MALRD1: variants seen among roughly 807,000 people sequenced by gnomAD.
MALRD1 encodes the protein MAM and LDL-receptor class A domain-containing protein 1.
MALRD1 carries 247 observed loss-of-function variants against 242.1 expected under a neutral mutation model. The ratio of observed to expected loss-of-function variants is 1.02; its 90% confidence interval spans 0.92 to 1.13. MALRD1 has a LOEUF of 1.13. Ranked by LOEUF, MALRD1 falls within the 50% of genes most tolerant of loss-of-function variation. The probability of loss-of-function intolerance (pLI) is 0.00; values close to 1 mark genes in which losing one functional copy is unlikely to be tolerated. For missense variants in MALRD1, 2,989 were observed against 2,533.1 expected, an observed-to-expected ratio of 1.18 and a Z score of -3.86; for synonymous variants, 995 against 866.6, an observed-to-expected ratio of 1.15 and a Z score of -2.60.
chr10:19,658,512 C>G (rs1216672664), intron 36 of MALRD1, among the ~76,000 whole-genome samples: 1 of 152,108 alleles, frequency 6.6e-6, no homozygotes. Context: ...CACACATACA[C>G]ACAAACACAC....
chr10:19,392,220 T>C (rs911438210), intron 28 of MALRD1, among the ~76,000 whole-genome samples: 1 of 152,182 alleles, frequency 6.6e-6, no homozygotes, highest in African/African-American at 2.4e-5. Context: ...ATGGGAGCCT[T>C]ATTTTACTAA....
intron 2 of MALRD1, among the ~76,000 whole-genome samples, chr10:19,085,414 T>C (rs1308197706): frequency 2.0e-5 from 3 of 151,960 alleles, no homozygotes; most frequent in African/African-American, 7.2e-5. Context: ...AAAATTGTGA[T>C]TGTCACTAAG....
chr10:19,648,286 A>G (rs931424980), intron 36 of MALRD1, among the ~76,000 whole-genome samples: 7 of 152,230 alleles, frequency 4.6e-5, no homozygotes, highest in Non-Finnish European at 1.0e-4. Context: ...TTCAAGACAC[A>G]TAAAATCTGT....
At chr10:19,095,254 G>T (rs368986430) in intron 4 of MALRD1, among the ~76,000 whole-genome samples, 15 of 152,280 alleles carry the variant, frequency 9.9e-5, no homozygotes, top group African/African-American at 3.4e-4. Flanking sequence ...TATAGGAATG[G>T]CATAGTTTCT....
chr10:19,412,707 G>A (rs1833326391), intron 28 of MALRD1, among the ~76,000 whole-genome samples: 2 of 152,126 alleles, frequency 1.3e-5, no homozygotes, highest in African/African-American at 4.8e-5. Context: ...CAATGTAAGA[G>A]ATAAGCCACC....
In MALRD1 at chr10:19,343,023, T is replaced by C. The variant is rs188949785; in HGVS notation, c.3902-4748T>C. On this transcript the variant is annotated intron_variant, in intron 24 of 39. Transcript: ENST00000454679. Reference sequence around the variant, plus strand: ...TGAATTTTCAAAAGGTTGATGCACATAGAGTTTTTCTAAATTATTTACCCT... The same window carrying C: ...TGAATTTTCAAAAGGTTGATGCACACAGAGTTTTTCTAAATTATTTACCCT... Among the ~76,000 whole-genome samples, 3 of 152,246 alleles carry C rather than the reference T, an allele frequency of 2.0e-5. No individual in the cohort carries two copies. The East Asian group carries it at 5.8e-4, about 29-fold the overall frequency.
chr10:19,564,568 G>A lies in MALRD1; in HGVS notation c.5479-2934G>A, dbSNP rs531443230. Among the ~76,000 whole-genome samples, 50 of 151,826 alleles carry A rather than the reference G, an allele frequency of 3.3e-4. 1 individual carries two copies. The highest frequency in any genetic ancestry group is 1.1e-3 in the Admixed American group (16 of 15,236). ...ATGTTGACAGTTAATATATTACTGG[G>A]TCTGTGTTTGACTAAAGTTTAAAAA... On this transcript the variant is annotated intron_variant, in intron 32 of 39. Transcript: ENST00000454679.
intron 23 of MALRD1, among the ~76,000 whole-genome samples, chr10:19,328,534 G>T (rs542682930): frequency 4.1e-4 from 62 of 152,222 alleles, no homozygotes; most frequent in South Asian, 2.9e-3. Context: ...TGCAGCTGGG[G>T]TAGCCAAGTT....
At chr10:19,262,965 GA>G (rs1359000979) in intron 19 of MALRD1, among the ~76,000 whole-genome samples, 2 of 152,002 alleles carry the variant, frequency 1.3e-5, no homozygotes, top group Non-Finnish European at 2.9e-5. Context: ...AGGATTTCTT[GA>G]TTTTTTTAAA....
intron 28 of MALRD1, among the ~76,000 whole-genome samples, chr10:19,432,996 CAT>C (rs1371493160): frequency 1.3e-5 from 2 of 152,324 alleles, no homozygotes; most frequent in African/African-American, 4.8e-5. Context: ...CGTCTGCACA[CAT>C]ATATGTATAT....
intron 29 of MALRD1, among the ~76,000 whole-genome samples, chr10:19,466,641 C>A (rs2131118670): frequency 6.6e-6 from 1 of 152,282 alleles, no homozygotes. Flanking sequence ...GTTCTTTCCT[C>A]TGTGCATGTA....
Position 19,048,897 on chromosome 10 carries a change from A to G in MALRD1, c.-42A>G. On this transcript the variant is annotated 5_prime_UTR_variant, in exon 1 of 40. Coordinates refer to ENST00000454679, the MANE Select transcript of MALRD1 (RefSeq NM_001142308.3). The stretch of plus-strand genomic sequence containing the variant: ...AAAGAATGTTTCCAATGATGGACTT[A>G]CTTATTACAACTGCTTGATCTCTAA... The G allele has an allele frequency of 8.3e-7, 1 of 1,201,798 alleles. No homozygotes were observed. Among genetic ancestry groups the G allele is most frequent in the East Asian group, 3.2e-5 (1 of 31,520 alleles). The allele number at this position is 1,201,798 out of a possible 1,614,324, so 74.4% of individuals were successfully genotyped here. A position where few individuals can be genotyped will look rare whatever the true frequency, so the allele number is the denominator to read the frequency against.
At chr10:19,452,232 G>A (rs1013395454) in intron 29 of MALRD1, among the ~76,000 whole-genome samples, 2 of 152,160 alleles carry the variant, frequency 1.3e-5, no homozygotes, top group Non-Finnish European at 2.9e-5. Context: ...GGTTGATTCA[G>A]GACAGAAGGA....
At chr10:19,123,866 A>C (rs1337973854) in intron 6 of MALRD1, among the ~76,000 whole-genome samples, 2 of 152,174 alleles carry the variant, frequency 1.3e-5, no homozygotes, top group East Asian at 1.9e-4. Context: ...ATTTAAACTA[A>C]CTAATCTAAT....
At chr10:19,333,905 G>C (rs1361464937) in intron 24 of MALRD1, among the ~76,000 whole-genome samples, 1 of 152,018 alleles carries the variant, frequency 6.6e-6, no homozygotes, top group East Asian at 1.9e-4. Flanking sequence ...TAGTGATACA[G>C]AGCATTTCTT....
intron 33 of MALRD1, among the ~76,000 whole-genome samples, chr10:19,587,915 T>TG (rs1837523562): frequency 6.6e-6 from 1 of 151,044 alleles, no homozygotes; most frequent in South Asian, 2.1e-4. Context: ...CTAGGTGTTT[T>TG]TTTTTTTTCT....
intron 36 of MALRD1, among the ~76,000 whole-genome samples, chr10:19,673,915 G>A (rs1266478478): frequency 6.6e-6 from 1 of 151,790 alleles, no homozygotes; most frequent in African/African-American, 2.4e-5. Context: ...TTATATGCGT[G>A]TGCATGTATG....
At chr10:19,148,374 G>A (rs545167800) in intron 11 of MALRD1, among the ~76,000 whole-genome samples, 1 of 152,164 alleles carries the variant, frequency 6.6e-6, no homozygotes, top group South Asian at 2.1e-4. Context: ...ATAGAAAATA[G>A]AGAAAAGAAA....
chr10:19,290,033 A>C (rs1841332903), intron 21 of MALRD1, among the ~76,000 whole-genome samples: 1 of 152,200 alleles, frequency 6.6e-6, no homozygotes, highest in Admixed American at 6.5e-5. Flanking sequence ...GAAACAATAA[A>C]AAGTCTAAAG....
Sources: gnomAD v4.1 joint callset for allele counts (sites outside exome capture counted in the v4.1 genomes callset) on GRCh38, gnomAD v4.1.1 for gene constraint, MANE v1.5 for transcripts, NCBI Gene and HGNC (gene_info 2026-07-23, HGNC 2026-07-21) for gene names.